FBN2: variants seen among roughly 807,000 people sequenced by gnomAD.
FBN2 encodes the protein fibrillin 2.
Under a neutral mutation model 355.6 loss-of-function variants are expected in FBN2, and 105 were observed. That is an observed-to-expected ratio of 0.30 (90% confidence interval 0.25 to 0.35). FBN2 has a LOEUF of 0.35. FBN2 is among the 10% of genes least tolerant of loss of function. The pLI, the probability that FBN2 is intolerant of heterozygous loss-of-function variation, is 1.00. For synonymous variants in FBN2, 1,350 were observed against 1,301.2 expected (o/e 1.04, Z -0.81); for missense variants, 3,280 against 3,758.7 (o/e 0.87, Z 3.33).
chr5:128,414,553 T>C (rs1303758152), intron 7 of FBN2, among the ~76,000 whole-genome samples: 1 of 152,190 alleles, frequency 6.6e-6, no homozygotes, highest in Non-Finnish European at 1.5e-5. Context: ...TATTTCCATT[T>C]TTTATTTTTT....
At chr5:128,415,474 A>G (rs1186910643) in intron 7 of FBN2, among the ~76,000 whole-genome samples, 4 of 152,050 alleles carry the variant, frequency 2.6e-5, no homozygotes, top group Non-Finnish European at 4.4e-5. Context: ...TATCTTCTGA[A>G]CTCATTTCAC....
At chr5:128,416,837 C>T (rs1040794225) in intron 7 of FBN2, among the ~76,000 whole-genome samples, 1 of 152,016 alleles carries the variant, frequency 6.6e-6, no homozygotes, top group Non-Finnish European at 1.5e-5. Context: ...AGTGTGATGC[C>T]TCCATTGATT....
intron 34 of FBN2, among the ~76,000 whole-genome samples, chr5:128,326,248 G>A (rs1192820438): frequency 6.6e-6 from 1 of 152,152 alleles, no homozygotes; most frequent in Non-Finnish European, 1.5e-5. Flanking sequence ...GCTGGTTTCG[G>A]TTTCATTAAA....
chr5:128,342,973 C>T (rs1751067648), intron 25 of FBN2, among the ~76,000 whole-genome samples: 1 of 152,042 alleles, frequency 6.6e-6, no homozygotes, highest in Non-Finnish European at 1.5e-5. Context: ...GGTGATCTGC[C>T]CGTCTCGGCC....
At chr5:128,427,484 G>T (rs1379547827) in intron 7 of FBN2, among the ~76,000 whole-genome samples, 1 of 152,122 alleles carries the variant, frequency 6.6e-6, no homozygotes, top group Non-Finnish European at 1.5e-5. Context: ...ACTGAACTCT[G>T]ACCGCCATTC....
At chr5:128,390,559 T>G (rs1444295638) in intron 11 of FBN2, among the ~76,000 whole-genome samples, 3 of 152,222 alleles carry the variant, frequency 2.0e-5, no homozygotes, top group Non-Finnish European at 4.4e-5. Context: ...ATAATAATCT[T>G]GGCCCTTGAA....
chr5:128,319,183 A>G (rs1463110105), intron 34 of FBN2, among the ~76,000 whole-genome samples, 182 bp from the exon 35 acceptor site: 2 of 152,088 alleles, frequency 1.3e-5, no homozygotes, highest in South Asian at 2.1e-4. Flanking sequence ...TCACCTATGG[A>G]ACTAAGATAT....
At chr5:128,317,560 A>G (rs947719576) in intron 36 of FBN2, among the ~76,000 whole-genome samples, 2 of 152,232 alleles carry the variant, frequency 1.3e-5, no homozygotes, top group African/African-American at 4.8e-5. Context: ...GTATACTTCC[A>G]GAAAATTCTC....
chr5:128,310,086 A>T lies in FBN2; in HGVS notation c.5097T>A (p.His1699Gln), dbSNP rs757807339. 2.5e-6 allele frequency: 4 copies of T among 1,613,360 alleles called. No homozygotes were observed. The highest frequency in any genetic ancestry group is 4.5e-5 in the East Asian group (2 of 44,868). ...ICEDIDECFA[H>Q]PGVCGPGTCY... ...AGGTCCCAGGCCCACACACACCAGGATGTGCAAAACACTCATCAATATCTA... is the reference window on the plus strand; with the variant it reads ...AGGTCCCAGGCCCACACACACCAGGTTGTGCAAAACACTCATCAATATCTA... Residue 1699 changes from histidine to glutamine, a missense_variant, in exon 40 of 65, where the codon CAT becomes CAA. His to Gln is a conservative substitution (Grantham distance 24, BLOSUM62 0). Around this residue, in one of 6 missense-constraint regions of FBN2, gnomAD observed 2,284 missense variants for 2,749.5 expected, o/e 0.83. Transcript: ENST00000262464.
intron 6 of FBN2, among the ~76,000 whole-genome samples, chr5:128,456,316 G>T (rs371771526): frequency 7.9e-5 from 12 of 152,260 alleles, no homozygotes; most frequent in South Asian, 4.1e-4. Context: ...GAGCCCCTAG[G>T]GGGAGGGGTG....
At chr5:128,396,875 A>T (rs1752663539) in intron 8 of FBN2, among the ~76,000 whole-genome samples, 1 of 152,250 alleles carries the variant, frequency 6.6e-6, no homozygotes, top group Non-Finnish European at 1.5e-5. Flanking sequence ...AATGAAGATG[A>T]AACTGTTAAT....
chr5:128,479,930 G>GTC (rs1180726296), intron 5 of FBN2, among the ~76,000 whole-genome samples: 53 of 58,144 alleles, frequency 9.1e-4, no homozygotes, highest in Non-Finnish European at 1.3e-3. Context: ...TTGTCTCCTT[G>GTC]TCTCTCTCTC....
chr5:128,492,373 A>G (rs563689321), intron 5 of FBN2, among the ~76,000 whole-genome samples: 14 of 152,350 alleles, frequency 9.2e-5, no homozygotes, highest in African/African-American at 3.4e-4. Context: ...GGTAATAAAT[A>G]TGATTAAGGA....
chr5:128,349,568 C>G, intron 22 of FBN2, 96 bp from the exon 23 acceptor site: 6 of 1,335,150 alleles, frequency 4.5e-6, no homozygotes, highest in Non-Finnish European at 6.3e-6. Flanking sequence ...AATCCACATT[C>G]AATACAATGT....
At chr5:128,377,953 A>G in intron 12 of FBN2, 76 bp from the exon 13 acceptor site, 1 of 1,378,986 alleles carries the variant, frequency 7.3e-7, no homozygotes, top group Non-Finnish European at 1.0e-6. Context: ...AAGAAATGGA[A>G]TTTTAAATAT....
At chr5:128,276,975 T>C (rs1245498844) in intron 58 of FBN2, among the ~76,000 whole-genome samples, 3 of 152,218 alleles carry the variant, frequency 2.0e-5, no homozygotes, top group Non-Finnish European at 2.9e-5. Context: ...ACTCGGACTC[T>C]GAGATAGCAG....
chr5:128,323,582 A>T (rs1750451911), intron 34 of FBN2, among the ~76,000 whole-genome samples: 1 of 152,222 alleles, frequency 6.6e-6, no homozygotes, highest in African/African-American at 2.4e-5. Flanking sequence ...TGTTTATGTG[A>T]TGGATTACAT....
intron 61 of FBN2, 140 bp from the exon 62 acceptor site, chr5:128,272,258 T>A: frequency 1.0e-6 from 1 of 965,938 alleles, no homozygotes; most frequent in Non-Finnish European, 1.6e-6. Context: ...GGCTGTCATT[T>A]TTCCAGGTCA....
intron 5 of FBN2, among the ~76,000 whole-genome samples, chr5:128,482,870 A>T (rs1440195018): frequency 1.3e-5 from 2 of 152,212 alleles, no homozygotes; most frequent in African/African-American, 2.4e-5. Context: ...ATGTGAGACC[A>T]GCCACAAGGT....
Sources: allele counts gnomAD v4.1 joint callset (sites outside exome capture counted in the v4.1 genomes callset), GRCh38; gene constraint gnomAD v4.1.1; regional missense constraint gnomAD v4.1.1; transcripts MANE v1.5; gene names NCBI Gene and HGNC (gene_info 2026-07-23, HGNC 2026-07-21).